CCDC91: variants seen among roughly 807,000 people sequenced by gnomAD.
CCDC91 encodes coiled-coil domain-containing protein 91.
Under a neutral mutation model 63.2 loss-of-function variants are expected in CCDC91, and 48 were observed. The observed-to-expected ratio is 0.76, with a 90% CI of 0.60 to 0.97. The LOEUF (loss-of-function observed/expected upper bound fraction) is 0.97. Among genes scored for constraint, CCDC91 ranks in the 50% least tolerant of loss-of-function variants. CCDC91 has a pLI of 0.00. For missense variants in CCDC91, 500 were observed against 494.6 expected (o/e 1.01, Z -0.10); for synonymous variants, 167 against 165.8 (o/e 1.01, Z -0.06).
intron 1 of CCDC91, among the ~76,000 whole-genome samples, chr12:28,198,195 C>T (rs893574193): frequency 1.3e-5 from 2 of 152,056 alleles, no homozygotes; most frequent in African/African-American, 4.8e-5. Flanking sequence ...TTATATTCAG[C>T]CCTGTGGTTA....
At chr12:28,235,890 T>TA (rs1944914684) in intron 1 of CCDC91, among the ~76,000 whole-genome samples, 3 of 152,120 alleles carry the variant, frequency 2.0e-5, no homozygotes, top group Admixed American at 2.0e-4. Flanking sequence ...TATAGTGTCT[T>TA]ATATCATCTG....
At chr12:28,469,825 C>T (rs527575151) in intron 11 of CCDC91, among the ~76,000 whole-genome samples, 273 of 152,144 alleles carry the variant, frequency 1.8e-3, no homozygotes, top group Middle Eastern at 6.8e-3. Flanking sequence ...GTGCCAGGAA[C>T]ATATACTGAG....
intron 1 of CCDC91, among the ~76,000 whole-genome samples, chr12:28,204,889 A>G (rs145385105): frequency 5.8e-4 from 89 of 152,326 alleles, no homozygotes; most frequent in African/African-American, 1.9e-3. Context: ...ATACGCAATT[A>G]TAGGAATTTA....
chr12:28,441,687 G>GTA (rs148605668), intron 8 of CCDC91, among the ~76,000 whole-genome samples: 14,668 of 144,512 alleles, frequency 0.1, 1,940 homozygotes, highest in African/African-American at 0.31. Flanking sequence ...TATCTCATGT[G>GTA]TATATATATA....
intron 1 of CCDC91, among the ~76,000 whole-genome samples, chr12:28,208,779 CAAAG>C: frequency 6.6e-6 from 1 of 152,160 alleles, no homozygotes; most frequent in South Asian, 2.1e-4. Flanking sequence ...ATTCAAAAGG[CAAAG>C]AAAATCTTTC....
chr12:28,405,976 A>G (rs757056597), intron 8 of CCDC91, among the ~76,000 whole-genome samples: 29 of 152,300 alleles, frequency 1.9e-4, no homozygotes, highest in South Asian at 1.2e-3. Flanking sequence ...AGAGTATGTC[A>G]GCAGTAACTA....
At chr12:28,193,753 T>C (rs537868347) in intron 1 of CCDC91, among the ~76,000 whole-genome samples, 1 of 152,384 alleles carries the variant, frequency 6.6e-6, no homozygotes, top group East Asian at 1.9e-4. Context: ...TATTCTAATA[T>C]GCGTTTAGTG....
chr12:28,461,752 T>C (rs1489948627), intron 11 of CCDC91, among the ~76,000 whole-genome samples: 2 of 152,096 alleles, frequency 1.3e-5, no homozygotes, highest in African/African-American at 4.8e-5. Context: ...CACATCTTTG[T>C]TGGGTCACAG....
chr12:28,436,291 T>G (rs146957830), intron 8 of CCDC91, among the ~76,000 whole-genome samples: 184 of 151,904 alleles, frequency 1.2e-3, no homozygotes, highest in African/African-American at 4.0e-3. Flanking sequence ...ATGGTTGCCT[T>G]AAAGTTTGTA....
intron 1 of CCDC91, among the ~76,000 whole-genome samples, chr12:28,193,044 T>TCAAAG (rs1941402915): frequency 6.6e-6 from 1 of 152,256 alleles, no homozygotes; most frequent in Non-Finnish European, 1.5e-5. Context: ...ATGCTTTGAT[T>TCAAAG]CATCCATGTT....
At chr12:28,321,616 C>T (rs756249084) in intron 6 of CCDC91, among the ~76,000 whole-genome samples, 2 of 151,848 alleles carry the variant, frequency 1.3e-5, no homozygotes, top group African/African-American at 2.4e-5. Context: ...TAATAGACAT[C>T]AGAGAACTTG....
At chr12:28,200,049 C>T (rs1942090759) in intron 1 of CCDC91, among the ~76,000 whole-genome samples, 1 of 151,992 alleles carries the variant, frequency 6.6e-6, no homozygotes, top group Admixed American at 6.5e-5. Context: ...TTTTTCTCCT[C>T]TTTTTCTGGT....
chr12:28,487,831 C>G (rs1455596901), intron 12 of CCDC91, among the ~76,000 whole-genome samples: 1 of 151,528 alleles, frequency 6.6e-6, no homozygotes, highest in Non-Finnish European at 1.5e-5. Flanking sequence ...CTTTTTTGTC[C>G]TTTGTCCTAG....
intron 8 of CCDC91, among the ~76,000 whole-genome samples, chr12:28,442,275 A>G (rs1202317240): frequency 1.3e-5 from 2 of 152,112 alleles, no homozygotes; most frequent in South Asian, 2.1e-4. Context: ...AGAAAAGGCT[A>G]TTTCAGGCAT....
At chr12:28,492,702 A>G (rs897000569) in intron 12 of CCDC91, among the ~76,000 whole-genome samples, 1 of 151,650 alleles carries the variant, frequency 6.6e-6, no homozygotes, top group Non-Finnish European at 1.5e-5. Context: ...GTACTCAGTA[A>G]TATACAAAAG....
intron 6 of CCDC91, among the ~76,000 whole-genome samples, chr12:28,317,626 T>A (rs1214793065): frequency 6.6e-6 from 1 of 152,032 alleles, no homozygotes; most frequent in East Asian, 1.9e-4. Flanking sequence ...AGAAAATTGA[T>A]CATACATTTG....
At chr12:28,406,157 A>T (rs1294928979) in intron 8 of CCDC91, among the ~76,000 whole-genome samples, 1 of 152,082 alleles carries the variant, frequency 6.6e-6, no homozygotes, top group Non-Finnish European at 1.5e-5. Context: ...AAGCGTGTGC[A>T]TGGTGATGGT....
chr12:28,469,152 A>AT (rs923218125), intron 11 of CCDC91, among the ~76,000 whole-genome samples: 89 of 151,730 alleles, frequency 5.9e-4, no homozygotes, highest in African/African-American at 1.9e-3. Context: ...AATTATAATT[A>AT]TTTTTTTTGC....
chr12:28,479,219 T>C (rs1444110836), intron 11 of CCDC91, among the ~76,000 whole-genome samples: 3 of 152,032 alleles, frequency 2.0e-5, no homozygotes, highest in Admixed American at 6.6e-5. Context: ...AACCCAAATG[T>C]CCATCAATGA....
Sources: allele counts gnomAD v4.1 joint callset (sites outside exome capture counted in the v4.1 genomes callset), GRCh38; gene constraint gnomAD v4.1.1; transcripts MANE v1.5; gene names NCBI Gene and HGNC (gene_info 2026-07-23, HGNC 2026-07-21).